Variants in TDRD9 observed in about 807,000 individuals in gnomAD.
The protein encoded by TDRD9 is tudor domain containing 9, also known as ATP-dependent RNA helicase TDRD9.
Under a neutral mutation model 172.6 loss-of-function variants are expected in TDRD9, and 124 were observed. The ratio of observed to expected loss-of-function variants is 0.72; its 90% CI spans 0.62 to 0.83. The LOEUF is 0.83. TDRD9 is among the 40% of genes least tolerant of loss of function. The pLI, the probability that TDRD9 is intolerant of heterozygous loss-of-function variation, is 0.00. For missense variants in TDRD9, 1,479 were observed against 1,714.1 expected, an observed-to-expected ratio of 0.86 and a Z score of 2.42; for synonymous variants, 619 against 617.1, an observed-to-expected ratio of 1.00 and a Z score of -0.05.
At chr14:103,956,065 G>A (rs1420569336) in intron 2 of TDRD9, among the ~76,000 whole-genome samples, 2 of 106,280 alleles carry the variant, frequency 1.9e-5, no homozygotes, top group Non-Finnish European at 3.4e-5. Flanking sequence ...GGCAACATAC[G>A]GAGACCCTCT....
chr14:104,002,048 A>G (rs894497089), intron 13 of TDRD9, among the ~76,000 whole-genome samples: 1 of 151,068 alleles, frequency 6.6e-6, no homozygotes, highest in Non-Finnish European at 1.5e-5. Context: ...GGCCAGACAC[A>G]GTGGCTCATG....
intron 24 of TDRD9, among the ~76,000 whole-genome samples, chr14:104,022,649 C>T (rs1448428903): frequency 6.6e-6 from 1 of 152,070 alleles, no homozygotes; most frequent in African/African-American, 2.4e-5. Context: ...ATTGCTTGAA[C>T]CCAGGAGGCG....
At position 103,976,043 on chromosome 14, in the gene TDRD9, C is replaced by G. The variant is rs79996316; in HGVS notation, c.1011+490C>G. Among the ~76,000 whole-genome samples, 37 of 152,234 alleles carry G rather than the reference C, an allele frequency of 2.4e-4. No homozygotes were observed. The South Asian group carries it at 6.4e-3, about 26-fold the overall frequency. ...TAACCAACCTCTTCCTATTTCCCCC[C>G]CTTCCCAGCCTCTAGTAACTTCTTT... On this transcript the variant is annotated intron_variant, in intron 7 of 35. Transcript: ENST00000409874.
chr14:103,941,311 A>C (rs1260287022), intron 1 of TDRD9: 1 of 1,065,412 alleles, frequency 9.4e-7, no homozygotes, highest in East Asian at 2.6e-5. Context: ...AAGAATTTAC[A>C]TGATAGAATA....
At chr14:103,962,633 T>C (rs530373681) in intron 2 of TDRD9, among the ~76,000 whole-genome samples, 99 of 152,218 alleles carry the variant, frequency 6.5e-4, no homozygotes, top group Non-Finnish European at 1.2e-3. Flanking sequence ...CCCTTGCCCC[T>C]CCCTCCCTCT....
rs564948775 is a variant in TDRD9 at position 103,977,989 on chromosome 14, T to C, written c.1011+2436T>C. Among the ~76,000 whole-genome samples the C allele has an allele frequency of 4.6e-5, 7 of 152,308 alleles. No homozygotes were observed. In the East Asian group the frequency reaches 1.3e-3, roughly 29 times the overall value. On this transcript the variant is annotated intron_variant, in intron 7 of 35. Coordinates refer to ENST00000409874, the MANE Select transcript of TDRD9 (RefSeq NM_153046.3). ...AATCAGTTGGCTGTAAATATGTTAT[T>C]TTATTTCTGGGTTCTTTATTCTGTT...
rs2035625747 is a variant in TDRD9 at position 104,042,073 on chromosome 14, A to G, written c.3860A>G (p.Asn1287Ser). The part of the protein sequence containing the change: ...QFSVEDVVEV[N>S]ILRAAINKLV... The stretch of plus-strand genomic sequence containing the variant: ...TATGTTGCTGTTCATTTACAGGTTA[A>G]TATTCTCAGGGCTGCTATTAACAAG... The change falls in exon 34 of 36, where the codon AAT becomes AGT. Residue 1287 changes from asparagine to serine, a missense_variant. By Grantham distance (46) the Asn-to-Ser change is conservative (BLOSUM62 1). Coordinates refer to ENST00000409874, the MANE Select transcript of TDRD9 (RefSeq NM_153046.3). The G allele has an allele frequency of 6.2e-7, 1 of 1,600,162 alleles. No homozygotes were observed. Among genetic ancestry groups the G allele is most frequent in the African/African-American group, 1.3e-5 (1 of 74,694 alleles).
chr14:104,020,337 T>C (rs1209744194), intron 23 of TDRD9, among the ~76,000 whole-genome samples: 8 of 152,122 alleles, frequency 5.3e-5, no homozygotes, highest in African/African-American at 1.9e-4. Flanking sequence ...CTGTTGGACA[T>C]GAAAAGGAGC....
chr14:104,049,544 A>G (rs942569091), intron 34 of TDRD9, 64 bp from the exon 35 acceptor site: 5 of 1,340,292 alleles, frequency 3.7e-6, no homozygotes, highest in Non-Finnish European at 5.1e-6. Context: ...TCTTTAAAAA[A>G]ATCACAGCAG....
At chr14:103,978,236 A>G (rs1287391528) in intron 7 of TDRD9, among the ~76,000 whole-genome samples, 1 of 151,962 alleles carries the variant, frequency 6.6e-6, no homozygotes, top group African/African-American at 2.4e-5. Flanking sequence ...TTGAAATTGT[A>G]TGAATCTGTA....
At chr14:103,952,218 ATATT>A (rs2031951419) in intron 1 of TDRD9, among the ~76,000 whole-genome samples, 19 of 44,092 alleles carry the variant, frequency 4.3e-4, no homozygotes, top group Middle Eastern at 0.014. Flanking sequence ...ATATATATAT[ATATT>A]TTTTTTTTTT....
chr14:104,004,945 T>C (rs2034387300), intron 14 of TDRD9, among the ~76,000 whole-genome samples: 1 of 152,134 alleles, frequency 6.6e-6, no homozygotes, highest in African/African-American at 2.4e-5. Flanking sequence ...TCCTTCCTCT[T>C]TTCTGTGTCT....
chr14:104,033,946 C>T lies in TDRD9; in HGVS notation c.3510-14C>T. 19 of 1,517,516 alleles carry T rather than the reference C, an allele frequency of 1.3e-5. No individual in the cohort carries two copies. The highest frequency in any genetic ancestry group is 1.7e-5 in the Non-Finnish European group (19 of 1,116,054). The allele number at this position is 1,517,516 out of a possible 1,614,324, so 94.0% of individuals were successfully genotyped here. A position where few individuals can be genotyped will look rare whatever the true frequency, so the allele number is the denominator to read the frequency against. On this transcript the variant is annotated splice_polypyrimidine_tract_variant and intron_variant, in intron 30 of 35. Transcript: ENST00000409874. ...GGATCAGTCACCCCATCTCCTGGTGCTCCTGCCTTTTAGGTGTGTTTGGAT... is the reference window on the plus strand; with the variant it reads ...GGATCAGTCACCCCATCTCCTGGTGTTCCTGCCTTTTAGGTGTGTTTGGAT...
At chr14:103,945,741 C>T (rs1595900125) in intron 1 of TDRD9, among the ~76,000 whole-genome samples, 2 of 151,868 alleles carry the variant, frequency 1.3e-5, no homozygotes, top group African/African-American at 2.4e-5. Context: ...GAAATAGGAC[C>T]GTATCATGCA....
At position 104,026,147 on chromosome 14, in the gene TDRD9, G is replaced by T; in HGVS notation, c.3021+11G>T. On this transcript the variant is annotated intron_variant, in intron 27 of 35. Transcript: ENST00000409874. ...GAACTTCCTTTCCAGGTAAGGTAGA[G>T]AAGACTCTAGGGAATGAATGCTGCA... The T allele has an allele frequency of 6.5e-7, 1 of 1,547,368 alleles. No individual in the cohort carries two copies. The highest frequency in any genetic ancestry group is 8.9e-7 in the Non-Finnish European group (1 of 1,119,338).
At position 104,022,218 on chromosome 14, in the gene TDRD9, A is replaced by G. The variant is rs777995663; in HGVS notation, c.2494A>G (p.Met832Val). 15 of 1,596,292 alleles carry G rather than the reference A, an allele frequency of 9.4e-6. No homozygotes were observed. The highest frequency in any genetic ancestry group is 1.7e-4 in the Middle Eastern group (1 of 6,034). Residue 832 changes from methionine to valine, a missense_variant, in exon 24 of 36, where the codon ATG becomes GTG. Around this residue, in one of 3 missense-constraint regions of TDRD9, gnomAD observed 1,413 missense variants for 1,649.1 expected, o/e 0.86. Coordinates refer to ENST00000409874, the MANE Select transcript of TDRD9 (RefSeq NM_153046.3). ...ERFKTLPAVY[M>V]AIKMSQLKVS... Reference sequence around the variant, plus strand: ...ATTTAAAACCCTTCCTGCAGTATATATGGCAATTAAGATGTCTCAACTAAA... The same window carrying G: ...ATTTAAAACCCTTCCTGCAGTATATGTGGCAATTAAGATGTCTCAACTAAA...
chr14:103,984,708 C>T (rs2033600153), intron 7 of TDRD9, among the ~76,000 whole-genome samples: 1 of 152,226 alleles, frequency 6.6e-6, no homozygotes, highest in South Asian at 2.1e-4. Flanking sequence ...CAGACTCCAA[C>T]TGGGGCACCA....
intron 2 of TDRD9, among the ~76,000 whole-genome samples, 198 bp downstream of exon 2, chr14:103,955,968 G>A (rs1005807963): frequency 1.3e-5 from 2 of 149,134 alleles, no homozygotes; most frequent in Admixed American, 1.3e-4. Flanking sequence ...AAACTAGCTG[G>A]ATGTGGTGGT....
chr14:103,985,428 A>G (rs577097875), intron 7 of TDRD9, among the ~76,000 whole-genome samples: 1 of 152,304 alleles, frequency 6.6e-6, no homozygotes, highest in African/African-American at 2.4e-5. Context: ...GTCTTCCACC[A>G]TGATTGTGAG....
Sources: allele counts gnomAD v4.1 joint callset (sites outside exome capture counted in the v4.1 genomes callset), GRCh38; gene constraint gnomAD v4.1.1; regional missense constraint gnomAD v4.1.1; transcripts MANE v1.5; gene names NCBI Gene and HGNC (gene_info 2026-07-23, HGNC 2026-07-21).